Variants in GABRA2 observed in about 807,000 individuals in gnomAD.
GABRA2 encodes gamma-aminobutyric acid receptor subunit alpha-2.
A neutral mutation model predicts 48.7 loss-of-function variants in GABRA2; 16 were observed. The observed-to-expected ratio is 0.33, with a 90% CI of 0.22 to 0.50. The LOEUF is 0.50. GABRA2 is among the 20% of genes least tolerant of loss of function. The pLI is 0.98. For synonymous variants in GABRA2, 185 were observed against 184.5 expected, an observed-to-expected ratio of 1.00 and a Z score of -0.02; for missense variants, 275 against 535.6, an observed-to-expected ratio of 0.51 and a Z score of 4.80.
chr4:46,368,547 T>C (rs1714408158), intron 3 of GABRA2: 1 of 160,130 alleles, frequency 6.2e-6, no homozygotes, highest in Admixed American at 6.2e-5. Flanking sequence ...CCAAACCAAA[T>C]CTGAATGAGT....
intron 3 of GABRA2, among the ~76,000 whole-genome samples, chr4:46,372,352 G>A (rs995306408): frequency 2.0e-5 from 3 of 152,092 alleles, no homozygotes; most frequent in Non-Finnish European, 4.4e-5. Flanking sequence ...TTATTTTTCT[G>A]ACATAAGGAA....
intron 4 of GABRA2, among the ~76,000 whole-genome samples, chr4:46,315,952 C>T (rs939915286): frequency 9.2e-5 from 14 of 151,684 alleles, no homozygotes; most frequent in African/African-American, 3.1e-4. Flanking sequence ...TACACACACA[C>T]ACACACACAC....
At chr4:46,375,144 C>A (rs1489320779) in intron 3 of GABRA2, among the ~76,000 whole-genome samples, 1 of 152,038 alleles carries the variant, frequency 6.6e-6, no homozygotes, top group African/African-American at 2.4e-5. Flanking sequence ...ACTTAAACTG[C>A]AAAATCCAGT....
chr4:46,351,942 G>C (rs999318217), intron 3 of GABRA2, among the ~76,000 whole-genome samples: 4 of 149,834 alleles, frequency 2.7e-5, no homozygotes, highest in Admixed American at 2.0e-4. Flanking sequence ...AAACTTATAA[G>C]TTGATACATT....
Position 46,250,537 on chromosome 4 carries a change from G to A in GABRA2, c.1127C>T (p.Pro376Leu). The A allele has an allele frequency of 1.2e-6, 2 of 1,611,456 alleles. No individual in the cohort carries two copies. Among genetic ancestry groups the A allele is most frequent in the Non-Finnish European group, 1.7e-6 (2 of 1,178,328 alleles). Reference protein sequence around the residue: ...AYAVAVANYAPNLSKDPVLST... With the variant: ...AYAVAVANYALNLSKDPVLST... ...GAGAACTGGATCTTTTGAAAGATTC[G>A]GGGCATAATTGGCAACAGCCACTGC... Residue 376 changes from proline to leucine, a missense_variant, in exon 10 of 10, where the codon CCG becomes CTG. This residue lies in a region of GABRA2 where 99 missense variants were observed against 124.3 expected (regional missense o/e 0.80). Transcript: ENST00000381620.
In GABRA2 at chr4:46,389,853, GA is replaced by G. The variant is rs1248527893; in HGVS notation, c.-130del. On this transcript the variant is annotated 5_prime_UTR_variant, in exon 1 of 10. Transcript: ENST00000381620. Reference sequence around the variant, plus strand: ...AGAGAGAGAGAGAGAGAGAGAGAGAGAGAGAGAGACCGAGACTGCAGCAGCC... The same window carrying G: ...AGAGAGAGAGAGAGAGAGAGAGAGAGGAGAGAGACCGAGACTGCAGCAGCC... 3.2e-6 allele frequency: 3 copies of G among 944,392 alleles called. No homozygotes were observed. The highest frequency in any genetic ancestry group is 6.5e-5 in the Admixed American group (1 of 15,410). 58.5% of individuals were successfully genotyped at this position (944,392 alleles called of 1,614,324 possible).
chr4:46,271,177 C>T lies in GABRA2; in HGVS notation c.857-9049G>A, dbSNP rs1287889263. Among the ~76,000 whole-genome samples the T allele has an allele frequency of 1.3e-4, 20 of 151,924 alleles. No homozygotes were observed. In the Admixed American group the frequency reaches 1.3e-3, roughly 10 times the overall value. ...ACAGGCACGAAAGACTGCAATAGAA[C>T]ACATGTAAAATTGTTTGATACCACC... On this transcript the variant is annotated intron_variant, in intron 8 of 9. Coordinates refer to ENST00000381620, the MANE Select transcript of GABRA2 (RefSeq NM_000807.4).
In GABRA2 at chr4:46,245,339, T is replaced by C. The variant is rs953008370; in HGVS notation, c.*4969A>G. Among the ~76,000 whole-genome samples the C allele has an allele frequency of 1.1e-4, 17 of 151,348 alleles. No individual in the cohort carries two copies. Among genetic ancestry groups the C allele is most frequent in the African/African-American group, 4.1e-4 (17 of 41,374 alleles). On this transcript the variant is annotated 3_prime_UTR_variant, in exon 10 of 10. Transcript: ENST00000381620. ...CAGATATTTAACTTTTAGAAGAGCT[T>C]ACACAAGCCTCCGTTGAGAAACCTG... is the stretch of plus-strand genomic sequence containing the variant.
At chr4:46,293,202 TTGGAA>T (rs1723999670) in intron 8 of GABRA2, among the ~76,000 whole-genome samples, 1 of 152,080 alleles carries the variant, frequency 6.6e-6, no homozygotes, top group Non-Finnish European at 1.5e-5. Flanking sequence ...AAAGACTAAT[TTGGAA>T]TTATAAAAAC....
rs538783021 is a variant in GABRA2 at position 46,306,888 on chromosome 4, A to G, written c.560-1177T>C. Among the ~76,000 whole-genome samples, 18 of 152,216 alleles carry G rather than the reference A, an allele frequency of 1.2e-4. 1 individual carries two copies. In the South Asian group the frequency reaches 2.1e-3, roughly 18 times the overall value. On this transcript the variant is annotated intron_variant, in intron 6 of 9. Coordinates refer to ENST00000381620, the MANE Select transcript of GABRA2 (RefSeq NM_000807.4). Reference sequence around the variant, plus strand: ...AATTTCCACTCAACCATCAGTAACAATAGAGTAAATGATTATGAGTTTGTG... The same window carrying G: ...AATTTCCACTCAACCATCAGTAACAGTAGAGTAAATGATTATGAGTTTGTG...
rs1235933082 is a variant in GABRA2, at chr4:46,305,620, T to C, written c.651A>G (p.Gln217=). The C allele has an allele frequency of 2.5e-6, 4 of 1,613,880 alleles. No individual in the cohort carries two copies. Among genetic ancestry groups the C allele is most frequent in the African/African-American group, 2.7e-5 (2 of 74,926 alleles). The part of the protein sequence containing the change: ...QVAPDGSRLN[Q]YDLLGQSIGK... The stretch of plus-strand genomic sequence containing the variant: ...CGATTGATTGGCCCAGCAGGTCATA[T>C]TGATTTAACCTAGAGCCATCAGGAG... The change falls in exon 7 of 10, where the codon CAA becomes CAG. Residue 217 remains glutamine (Q), a synonymous_variant. Transcript: ENST00000381620.
Position 46,390,072 on chromosome 4 carries a change from G to C in GABRA2, c.-348C>G. On this transcript the variant is annotated 5_prime_UTR_variant, in exon 1 of 10. Coordinates refer to ENST00000381620, the MANE Select transcript of GABRA2 (RefSeq NM_000807.4). ...GCTGGGGCCGGGGGGGGAAATTGGGGGGACGCGGGCGGAGGCGCGGTGCGC... is the reference window on the plus strand; with the variant it reads ...GCTGGGGCCGGGGGGGGAAATTGGGCGGACGCGGGCGGAGGCGCGGTGCGC... 1.2e-5 allele frequency: 3 copies of C among 247,014 alleles called. No homozygotes were observed. The highest frequency in any genetic ancestry group is 1.9e-5 in the Non-Finnish European group (3 of 160,864). The allele number at this position is 247,014 out of a possible 1,614,324, so 15.3% of individuals were successfully genotyped here.
At chr4:46,326,005 A>C (rs1204628778) in intron 4 of GABRA2, among the ~76,000 whole-genome samples, 1 of 151,846 alleles carries the variant, frequency 6.6e-6, no homozygotes, top group Non-Finnish European at 1.5e-5. Context: ...AGGGTAGTGT[A>C]ATGCCTCCAG....
chr4:46,318,060 A>T (rs2109732142), intron 4 of GABRA2, among the ~76,000 whole-genome samples: 1 of 151,660 alleles, frequency 6.6e-6, no homozygotes, highest in African/African-American at 2.4e-5. Flanking sequence ...TGAATCTATA[A>T]TAGTTGTAAA....
chr4:46,329,384 G>T (rs1730953129), intron 4 of GABRA2, among the ~76,000 whole-genome samples: 1 of 151,980 alleles, frequency 6.6e-6, no homozygotes, highest in Non-Finnish European at 1.5e-5. Flanking sequence ...TCATTTTTTG[G>T]CACAGCTTCA....
intron 3 of GABRA2, among the ~76,000 whole-genome samples, chr4:46,335,125 A>C (rs1323796514): frequency 6.6e-6 from 1 of 152,180 alleles, no homozygotes; most frequent in Non-Finnish European, 1.5e-5. Context: ...GCTTTCTATA[A>C]GACAAGGAAA....
rs75521711 is a variant in GABRA2 at position 46,245,005 on chromosome 4, C to A, written c.*5303G>T. 0.018 allele frequency among the ~76,000 whole-genome samples: 2,782 copies of A among 151,280 alleles called. 103 individuals are homozygous for A. Among genetic ancestry groups the A allele is most frequent in the East Asian group, 0.17 (879 of 5,096 alleles). The stretch of plus-strand genomic sequence containing the variant: ...TTTGAATTAAAGCAAAGAAAAAACA[C>A]AGGTTTTTGGTTTTTTTGTTGTTTT... On this transcript the variant is annotated 3_prime_UTR_variant, in exon 10 of 10. Transcript: ENST00000381620.
intron 3 of GABRA2, among the ~76,000 whole-genome samples, chr4:46,351,905 A>G (rs1366570282): frequency 1.3e-5 from 2 of 151,492 alleles, no homozygotes; most frequent in African/African-American, 4.8e-5. Context: ...TTGTCACCAT[A>G]TCTTCTTATA....
intron 8 of GABRA2, 144 bp downstream of exon 8, chr4:46,303,316 C>A: frequency 4.1e-6 from 3 of 723,960 alleles, no homozygotes; most frequent in South Asian, 3.2e-5. Context: ...CCACTCTGAG[C>A]CTACTTCTTC....
Sources: allele counts gnomAD v4.1 joint callset (sites outside exome capture counted in the v4.1 genomes callset), GRCh38; gene constraint gnomAD v4.1.1; regional missense constraint gnomAD v4.1.1; transcripts MANE v1.5; gene names NCBI Gene and HGNC (gene_info 2026-07-23, HGNC 2026-07-21).